AFF3: variants seen among roughly 807,000 people sequenced by gnomAD.
AFF3 encodes the protein AF4/FMR2 family member 3.
In AFF3, 32 loss-of-function variants were observed where a neutral mutation model predicts 129.7. That is an observed-to-expected ratio of 0.25 (90% CI 0.19 to 0.33). The LOEUF is 0.33. Ranked by LOEUF, AFF3 falls within the 10% of genes least tolerant of loss-of-function variation. The probability of loss-of-function intolerance (pLI) is 1.00; values close to 1 mark genes in which losing one functional copy is unlikely to be tolerated. For missense variants in AFF3, 1,373 were observed against 1,592.0 expected (o/e 0.86, Z 2.34); for synonymous variants, 644 against 635.4 (o/e 1.01, Z -0.20).
rs1439438563 is a variant in AFF3 at position 100,024,439 on chromosome 2, C to T, written c.54-15507G>A. Among the ~76,000 whole-genome samples, 6 of 147,010 alleles carry T rather than the reference C, an allele frequency of 4.1e-5. No individual in the cohort carries two copies. In the East Asian group the frequency reaches 1.3e-3, roughly 31 times the overall value. ...CCAACATGGAGAAACCCCGTCTCTACTAACAAAAAAAATACAAAATTAGCC... is the reference window on the plus strand; with the variant it reads ...CCAACATGGAGAAACCCCGTCTCTATTAACAAAAAAAATACAAAATTAGCC... On this transcript the variant is annotated intron_variant, in intron 4 of 24. Transcript: ENST00000672756.
intron 11 of AFF3, chr2:99,707,677 T>G (rs1677529429): frequency 3.1e-6 from 3 of 983,034 alleles, no homozygotes; most frequent in Non-Finnish European, 3.6e-6. Context: ...CTTTGGTATT[T>G]AGATGTTAAT....
At chr2:99,758,337 T>C (rs1019683105) in intron 8 of AFF3, among the ~76,000 whole-genome samples, 2 of 152,154 alleles carry the variant, frequency 1.3e-5, no homozygotes, top group African/African-American at 2.4e-5. Flanking sequence ...ATCCCAGCAC[T>C]ATGGGAGGCC....
intron 13 of AFF3, among the ~76,000 whole-genome samples, chr2:99,634,237 C>T (rs1035032838): frequency 2.0e-5 from 3 of 152,192 alleles, no homozygotes; most frequent in Non-Finnish European, 4.4e-5. Context: ...CACCCAGTCT[C>T]AGGTATCCCT....
chr2:100,126,538 G>A (rs960245421), intron 2 of AFF3, among the ~76,000 whole-genome samples: 2 of 152,148 alleles, frequency 1.3e-5, no homozygotes, highest in African/African-American at 4.8e-5. Context: ...TTAGTGCATC[G>A]AAGCAGTAAT....
intron 7 of AFF3, among the ~76,000 whole-genome samples, chr2:99,929,691 G>C (rs1696530466): frequency 6.6e-6 from 1 of 152,098 alleles, no homozygotes; most frequent in Admixed American, 6.6e-5. Flanking sequence ...TAGACTCCAA[G>C]TTCACAGTGC....
At chr2:99,867,592 A>AAC (rs1553469154) in intron 7 of AFF3, among the ~76,000 whole-genome samples, 2 of 150,822 alleles carry the variant, frequency 1.3e-5, no homozygotes, top group East Asian at 3.9e-4. Flanking sequence ...AAAAAAAAAA[A>AAC]ACATAGCTGG....
At chr2:99,919,366 A>G (rs1424548232) in intron 7 of AFF3, among the ~76,000 whole-genome samples, 1 of 152,076 alleles carries the variant, frequency 6.6e-6, no homozygotes, top group Non-Finnish European at 1.5e-5. Context: ...TTGTCTATAT[A>G]TTTCTGGAGG....
At position 99,696,132 on chromosome 2, in the gene AFF3, A is replaced by T. The variant is rs1676242416; in HGVS notation, c.1092-23543T>A. Reference sequence around the variant, plus strand: ...CAAACCCATTCAGACAAAATTGATTATTTTTTTTTTTCATGAGGGGTGCAG... The same window carrying T: ...CAAACCCATTCAGACAAAATTGATTTTTTTTTTTTTTCATGAGGGGTGCAG... On this transcript the variant is annotated intron_variant, in intron 11 of 24. Coordinates refer to ENST00000672756, the MANE Select transcript of AFF3 (RefSeq NM_001386135.1). 2.7e-5 allele frequency among the ~76,000 whole-genome samples: 4 copies of T among 148,578 alleles called. No homozygotes were observed. The South Asian group carries it at 8.5e-4, about 32-fold the overall frequency.
At chr2:99,684,745 G>A (rs1467478240) in intron 11 of AFF3, among the ~76,000 whole-genome samples, 1 of 151,568 alleles carries the variant, frequency 6.6e-6, no homozygotes, top group Non-Finnish European at 1.5e-5. Flanking sequence ...CCAAAGTGCT[G>A]CGATTACAGG....
At chr2:99,608,433 G>A (rs76239239) in intron 13 of AFF3, among the ~76,000 whole-genome samples, 3,004 of 152,302 alleles carry the variant, frequency 0.02, 83 homozygotes, top group East Asian at 0.075. Context: ...TCCATGCAAT[G>A]TATTTTTTTC....
chr2:99,919,064 C>A (rs1190693702), intron 7 of AFF3, among the ~76,000 whole-genome samples: 1 of 152,102 alleles, frequency 6.6e-6, no homozygotes, highest in African/African-American at 2.4e-5. Context: ...GTTACTGTCT[C>A]ATTTTTATGA....
At chr2:100,042,385 T>G (rs1685516337) in intron 4 of AFF3, among the ~76,000 whole-genome samples, 1 of 152,180 alleles carries the variant, frequency 6.6e-6, no homozygotes, top group South Asian at 2.1e-4. Context: ...GTTTTTTTTC[T>G]GATTATCCGG....
At chr2:100,025,912 G>C (rs1417714671) in intron 4 of AFF3, among the ~76,000 whole-genome samples, 1 of 152,130 alleles carries the variant, frequency 6.6e-6, no homozygotes, top group Non-Finnish European at 1.5e-5. Flanking sequence ...GATGGATTAA[G>C]GACTTAAATC....
chr2:99,960,700 T>C (rs1364717937), intron 7 of AFF3, among the ~76,000 whole-genome samples: 3 of 152,208 alleles, frequency 2.0e-5, no homozygotes, highest in East Asian at 1.9e-4. Context: ...CTTGCTTACA[T>C]ACTAGCTAGG....
chr2:99,787,726 AAAAC>A (rs751909065), intron 8 of AFF3, among the ~76,000 whole-genome samples: 79 of 152,212 alleles, frequency 5.2e-4, no homozygotes, highest in Admixed American at 1.4e-3. Flanking sequence ...CAGGGAGAAG[AAAAC>A]AAACAAACGA....
At chr2:99,608,593 T>G (rs970515754) in intron 13 of AFF3, among the ~76,000 whole-genome samples, 3 of 152,124 alleles carry the variant, frequency 2.0e-5, no homozygotes, top group African/African-American at 7.2e-5. Flanking sequence ...AAAACAAATG[T>G]GTAACATTAT....
At chr2:100,010,837 A>G (rs1014659824) in intron 4 of AFF3, among the ~76,000 whole-genome samples, 6 of 152,208 alleles carry the variant, frequency 3.9e-5, no homozygotes, top group East Asian at 1.9e-4. Flanking sequence ...TTTCAGGAAC[A>G]TTCCATGGAT....
chr2:99,890,352 C>T (rs1269563786), intron 7 of AFF3, among the ~76,000 whole-genome samples: 1 of 152,246 alleles, frequency 6.6e-6, no homozygotes, highest in Non-Finnish European at 1.5e-5. Context: ...TAGCTCTATA[C>T]ATTCAAATAC....
At chr2:99,981,535 G>A (rs1679404562) in intron 7 of AFF3, among the ~76,000 whole-genome samples, 1 of 152,174 alleles carries the variant, frequency 6.6e-6, no homozygotes, top group African/African-American at 2.4e-5. Flanking sequence ...ACTTTTTCAA[G>A]TGAAGGATTT....
Sources: gnomAD v4.1 joint callset for allele counts (sites outside exome capture counted in the v4.1 genomes callset) on GRCh38, gnomAD v4.1.1 for gene constraint, MANE v1.5 for transcripts, NCBI Gene and HGNC (gene_info 2026-07-23, HGNC 2026-07-21) for gene names.